The following BMPR1A variants were observed in gnomAD, a reference collection of about 807,000 sequenced individuals.
The protein encoded by BMPR1A is bone morphogenetic protein receptor type 1A, also known as bone morphogenetic protein receptor type-1A.
A neutral mutation model predicts 66.0 loss-of-function variants in BMPR1A; 7 were observed. The observed-to-expected ratio is 0.11, with a 90% CI of 0.06 to 0.20. The LOEUF (loss-of-function observed/expected upper bound fraction) is 0.20. BMPR1A is among the 10% of genes least tolerant of loss of function. The pLI, the probability that BMPR1A is intolerant of heterozygous loss-of-function variation, is 1.00. For synonymous variants in BMPR1A, 200 were observed against 229.7 expected (o/e 0.87, Z 1.17); for missense variants, 408 against 669.1 (o/e 0.61, Z 4.31).
intron 2 of BMPR1A, among the ~76,000 whole-genome samples, chr10:86,867,528 C>T (rs1261949642): frequency 6.6e-6 from 1 of 152,146 alleles, no homozygotes; most frequent in Non-Finnish European, 1.5e-5. Flanking sequence ...ACAGACATTA[C>T]GAATCTCTTC....
intron 1 of BMPR1A, among the ~76,000 whole-genome samples, chr10:86,830,408 G>C (rs996591570): frequency 1.6e-4 from 25 of 152,218 alleles, no homozygotes; most frequent in African/African-American, 5.8e-4. Context: ...GGGGTGTGCA[G>C]TTGGTGGCTT....
chr10:86,894,203 G>A (rs148102265), intron 5 of BMPR1A, among the ~76,000 whole-genome samples: 113 of 152,318 alleles, frequency 7.4e-4, no homozygotes, highest in African/African-American at 2.6e-3. Flanking sequence ...CCATATTCTT[G>A]AACCATTGAG....
intron 1 of BMPR1A, among the ~76,000 whole-genome samples, chr10:86,812,751 A>G (rs149577254): frequency 1.3e-4 from 20 of 152,232 alleles, no homozygotes; most frequent in African/African-American, 4.8e-4. Flanking sequence ...CACTCTCAAC[A>G]TCCCCCACTA....
intron 2 of BMPR1A, chr10:86,854,688 C>G (rs1434367160): frequency 4.5e-6 from 1 of 219,992 alleles, no homozygotes; most frequent in African/African-American, 2.3e-5. Context: ...GTCTTTAAGA[C>G]GTATCCCTTC....
intron 2 of BMPR1A, among the ~76,000 whole-genome samples, chr10:86,858,432 TGAA>T (rs1189752374): frequency 6.6e-6 from 1 of 152,078 alleles, no homozygotes; most frequent in African/African-American, 2.4e-5. Context: ...TAGTGAAAGA[TGAA>T]GACTGGAAGT....
chr10:86,909,834 A>G (rs774894641), intron 7 of BMPR1A, among the ~76,000 whole-genome samples: 3 of 152,158 alleles, frequency 2.0e-5, no homozygotes, highest in Non-Finnish European at 4.4e-5. Flanking sequence ...CTGAATTCTA[A>G]AAGTTTATAA....
At position 86,911,670 on chromosome 10, in the gene BMPR1A, A is replaced by C. The variant is rs141333335; in HGVS notation, c.531-570A>C. Among the ~76,000 whole-genome samples, 932 of 152,310 alleles carry C rather than the reference A, an allele frequency of 6.1e-3. 13 individuals carry two copies. Among genetic ancestry groups the C allele is most frequent in the African/African-American group, 0.02 (843 of 41,562 alleles). ...GAGGCTGAGGTGGGAGGATCGCTTG[A>C]GCCTGGGTGGCAGAGGTTGCAGTGA... is the stretch of plus-strand genomic sequence containing the variant. On this transcript the variant is annotated intron_variant, in intron 7 of 12. Transcript: ENST00000372037.
At chr10:86,862,694 A>G (rs553432812) in intron 2 of BMPR1A, among the ~76,000 whole-genome samples, 54 of 152,094 alleles carry the variant, frequency 3.6e-4, no homozygotes, top group Non-Finnish European at 7.6e-4. Context: ...AGTGGATTTG[A>G]TGACAGGAAA....
At chr10:86,825,151 T>A (rs572904190) in intron 1 of BMPR1A, among the ~76,000 whole-genome samples, 1 of 151,972 alleles carries the variant, frequency 6.6e-6, no homozygotes, top group South Asian at 2.1e-4. Context: ...TTTCCTAGGC[T>A]GGAGTGCAAT....
intron 1 of BMPR1A, among the ~76,000 whole-genome samples, chr10:86,766,599 C>T (rs1841166023): frequency 6.7e-6 from 1 of 149,326 alleles, no homozygotes; most frequent in Admixed American, 6.7e-5. Flanking sequence ...TCTCTCCTCC[C>T]AACATAATCA....
intron 2 of BMPR1A, among the ~76,000 whole-genome samples, chr10:86,871,541 G>A (rs1373798261): frequency 6.6e-6 from 1 of 152,212 alleles, no homozygotes; most frequent in Non-Finnish European, 1.5e-5. Context: ...CCAGGCGGTG[G>A]TGGCTCACGC....
At chr10:86,831,151 GT>G (rs1431261734) in intron 1 of BMPR1A, among the ~76,000 whole-genome samples, 3 of 152,194 alleles carry the variant, frequency 2.0e-5, no homozygotes, top group African/African-American at 7.2e-5. Flanking sequence ...AATTAAGGTT[GT>G]TTTCACTTCT....
chr10:86,883,921 C>T (rs1198895506), intron 3 of BMPR1A, among the ~76,000 whole-genome samples: 1 of 147,290 alleles, frequency 6.8e-6, no homozygotes, highest in East Asian at 2.0e-4. Flanking sequence ...GTGGCCCAGG[C>T]TGGAGTGCAG....
intron 1 of BMPR1A, among the ~76,000 whole-genome samples, chr10:86,800,383 G>A (rs1841794671): frequency 6.6e-6 from 1 of 152,048 alleles, no homozygotes; most frequent in Non-Finnish European, 1.5e-5. Flanking sequence ...CCTAAAATAA[G>A]GCCATTTTTG....
At chr10:86,903,871 G>C (rs999515152) in intron 7 of BMPR1A, among the ~76,000 whole-genome samples, 2 of 151,630 alleles carry the variant, frequency 1.3e-5, no homozygotes, top group African/African-American at 4.9e-5. Context: ...CTCCCAAAGT[G>C]CTGGGATTAC....
intron 1 of BMPR1A, among the ~76,000 whole-genome samples, chr10:86,806,571 A>G (rs184882616): frequency 1.3e-3 from 204 of 152,104 alleles, no homozygotes; most frequent in African/African-American, 4.7e-3. Context: ...GATTTTTTTC[A>G]TCAGGGTCTC....
chr10:86,931,298 C>CACACACACACACACACATATATATAT, downstream of BMPR1A: 21 of 90,872 alleles, frequency 2.3e-4, no homozygotes, highest in African/African-American at 1.4e-3. Context: ...CACACACACA[C>CACACACACACACACACATATATATAT]ATATATATAT....
intron 1 of BMPR1A, among the ~76,000 whole-genome samples, chr10:86,818,832 A>G (rs143880571): frequency 1.4e-4 from 22 of 152,286 alleles, no homozygotes; most frequent in African/African-American, 4.6e-4. Flanking sequence ...GAAATTACTC[A>G]AGCCCCTTAA....
chr10:86,799,497 C>CCTTCCTTCCTTCCTTCCTTCCTTT (rs1291672601), intron 1 of BMPR1A, among the ~76,000 whole-genome samples: 11 of 109,780 alleles, frequency 1.0e-4, no homozygotes, highest in African/African-American at 4.2e-4. Flanking sequence ...TTCCTTCCTT[C>CCTTCCTTCCTTCCTTCCTTCCTTT]CTTCCTTCCT....
Sources: allele counts gnomAD v4.1 joint callset (sites outside exome capture counted in the v4.1 genomes callset), GRCh38; gene constraint gnomAD v4.1.1; transcripts MANE v1.5; gene names NCBI Gene and HGNC (gene_info 2026-07-23, HGNC 2026-07-21).